The following BICD1 variants were observed in gnomAD, a reference collection of about 807,000 sequenced individuals.
The protein encoded by BICD1 is protein bicaudal D homolog 1.
Under a neutral mutation model 92.5 loss-of-function variants are expected in BICD1, and 35 were observed. The ratio of observed to expected loss-of-function variants is 0.38; its 90% CI spans 0.29 to 0.50. The LOEUF is 0.50. BICD1 is among the 20% of genes least tolerant of loss of function. BICD1 has a pLI of 0.93. For missense variants in BICD1, 950 were observed against 1,189.8 expected, an observed-to-expected ratio of 0.80 and a Z score of 2.97; for synonymous variants, 429 against 465.1, an observed-to-expected ratio of 0.92 and a Z score of 1.00.
At chr12:32,202,666 AG>A (rs1944940187) in intron 1 of BICD1, among the ~76,000 whole-genome samples, 1 of 152,162 alleles carries the variant, frequency 6.6e-6, no homozygotes, top group Non-Finnish European at 1.5e-5. Context: ...GCTTGGGTAC[AG>A]TGGTGTGATC....
intron 1 of BICD1, among the ~76,000 whole-genome samples, chr12:32,158,209 G>C (rs1030287585): frequency 1.3e-5 from 2 of 151,074 alleles, no homozygotes; most frequent in Non-Finnish European, 2.9e-5. Flanking sequence ...GGGTTCAAGC[G>C]ATTCTCCTGC....
At chr12:32,123,241 T>G (rs1308053994) in intron 1 of BICD1, among the ~76,000 whole-genome samples, 1 of 152,126 alleles carries the variant, frequency 6.6e-6, no homozygotes, top group East Asian at 1.9e-4. Context: ...TGGAGGGGAC[T>G]GAGTTAGGGG....
chr12:32,162,539 T>G (rs1408986987), intron 1 of BICD1, among the ~76,000 whole-genome samples: 1 of 152,168 alleles, frequency 6.6e-6, no homozygotes, highest in African/African-American at 2.4e-5. Flanking sequence ...AAATATGGCT[T>G]TGAGGAATAA....
rs544281112 is a variant in BICD1, at chr12:32,304,888, G to A, written c.580-809G>A. Among the ~76,000 whole-genome samples the A allele has an allele frequency of 1.4e-4, 21 of 152,166 alleles. No homozygotes were observed. In the East Asian group the frequency reaches 3.1e-3, roughly 22 times the overall value. On this transcript the variant is annotated intron_variant, in intron 3 of 9. Coordinates refer to ENST00000652176, the MANE Select transcript of BICD1 (RefSeq NM_001714.4). ...AATAAAAAATAAAAAAAATAGCCAG[G>A]TATGGTGGCACATGCCTGTGATACT...
chr12:32,116,470 CTCTCTCTCTCTCTCTCTCTCTT>C (rs71064994), intron 1 of BICD1, among the ~76,000 whole-genome samples: 31,645 of 119,542 alleles, frequency 0.26, 4,013 homozygotes, highest in Non-Finnish European at 0.31. Flanking sequence ...CTGTCTCTCT[CTCTCTCTCTCTCTCTCTCTCTT>C]TCTCTCTCTC....
chr12:32,126,476 G>T (rs530917675), intron 1 of BICD1, among the ~76,000 whole-genome samples: 1 of 152,158 alleles, frequency 6.6e-6, no homozygotes, highest in Non-Finnish European at 1.5e-5. Flanking sequence ...AAAGTTGCTG[G>T]CCGGGTATGG....
chr12:32,260,538 C>A (rs150940555), intron 2 of BICD1, among the ~76,000 whole-genome samples: 4 of 152,236 alleles, frequency 2.6e-5, no homozygotes, highest in Non-Finnish European at 4.4e-5. Flanking sequence ...TATAGATATG[C>A]ATATACATAT....
intron 3 of BICD1, among the ~76,000 whole-genome samples, chr12:32,295,623 A>G (rs901913413): frequency 3.9e-5 from 6 of 151,986 alleles, no homozygotes; most frequent in African/African-American, 1.5e-4. Flanking sequence ...AGAAGAGAAA[A>G]ATCCATGTAG....
intron 3 of BICD1, among the ~76,000 whole-genome samples, chr12:32,303,192 C>T (rs936377136): frequency 1.3e-5 from 2 of 152,156 alleles, no homozygotes; most frequent in African/African-American, 2.4e-5. Flanking sequence ...AGATTACAGG[C>T]CTGAGATTAC....
intron 9 of BICD1, among the ~76,000 whole-genome samples, chr12:32,377,136 C>T (rs1000038521): frequency 1.3e-5 from 2 of 152,124 alleles, no homozygotes; most frequent in South Asian, 4.1e-4. Flanking sequence ...GCCCTTTATA[C>T]TGAGCTCCCC....
intron 2 of BICD1, among the ~76,000 whole-genome samples, chr12:32,216,714 A>G (rs1366407344): frequency 1.3e-5 from 2 of 152,088 alleles, no homozygotes; most frequent in African/African-American, 2.4e-5. Flanking sequence ...TGGCCTTACT[A>G]TTTCTGCAAA....
chr12:32,343,822 C>T (rs1019880933), intron 8 of BICD1, among the ~76,000 whole-genome samples: 3 of 152,186 alleles, frequency 2.0e-5, no homozygotes, highest in African/African-American at 7.2e-5. Flanking sequence ...TACGTAATCA[C>T]CCCTTGAGAT....
At chr12:32,255,513 G>C (rs1379521466) in intron 2 of BICD1, among the ~76,000 whole-genome samples, 1 of 152,166 alleles carries the variant, frequency 6.6e-6, no homozygotes, top group African/African-American at 2.4e-5. Flanking sequence ...GATATTCCTT[G>C]TTTATGCCAT....
intron 4 of BICD1, among the ~76,000 whole-genome samples, chr12:32,320,576 G>A (rs527766058): frequency 1.3e-5 from 2 of 152,216 alleles, no homozygotes; most frequent in East Asian, 1.9e-4. Flanking sequence ...GGGAGGCAGA[G>A]GTTGCAGTGA....
At chr12:32,271,880 A>C (rs1473147027) in intron 2 of BICD1, among the ~76,000 whole-genome samples, 1 of 152,164 alleles carries the variant, frequency 6.6e-6, no homozygotes, top group Non-Finnish European at 1.5e-5. Context: ...TGAAGCCAAG[A>C]GACAATGTCA....
chr12:32,352,132 G>A (rs1459119016), intron 8 of BICD1, among the ~76,000 whole-genome samples: 1 of 152,144 alleles, frequency 6.6e-6, no homozygotes, highest in Non-Finnish European at 1.5e-5. Flanking sequence ...TTGAACCTGG[G>A]AGGTGGAGGT....
At chr12:32,261,509 C>T (rs374286238) in intron 2 of BICD1, among the ~76,000 whole-genome samples, 9 of 152,072 alleles carry the variant, frequency 5.9e-5, no homozygotes, top group Admixed American at 3.9e-4. Context: ...GAAAGTCTGC[C>T]GCCCACTAAG....
intron 2 of BICD1, among the ~76,000 whole-genome samples, chr12:32,263,843 G>A (rs761419605): frequency 6.6e-5 from 10 of 152,190 alleles, no homozygotes; most frequent in Non-Finnish European, 1.2e-4. Flanking sequence ...TGTTCTACAC[G>A]TATTTAAGTC....
intron 2 of BICD1, among the ~76,000 whole-genome samples, chr12:32,279,601 T>C (rs1479919282): frequency 6.6e-6 from 1 of 152,214 alleles, no homozygotes; most frequent in African/African-American, 2.4e-5. Flanking sequence ...TTCAACTGTT[T>C]AAAATAAAAG....
Sources: allele counts gnomAD v4.1 joint callset (sites outside exome capture counted in the v4.1 genomes callset), GRCh38; gene constraint gnomAD v4.1.1; transcripts MANE v1.5; gene names NCBI Gene and HGNC (gene_info 2026-07-23, HGNC 2026-07-21).